Variants in IFIH1 observed in about 807,000 individuals in gnomAD.
IFIH1 encodes interferon induced with helicase C domain 1, also known as interferon-induced helicase C domain-containing protein 1.
A neutral mutation model predicts 107.4 loss-of-function variants in IFIH1; 125 were observed. The ratio of observed to expected loss-of-function variants is 1.16; its 90% CI spans 1.01 to 1.35. The LOEUF (loss-of-function observed/expected upper bound fraction) is 1.35, where lower values mean the gene tolerates loss of function less well. Among genes scored for constraint, IFIH1 ranks in the 40% most tolerant of loss-of-function variants. The pLI, the probability that IFIH1 is intolerant of heterozygous loss-of-function variation, is 0.00. For synonymous variants in IFIH1, 458 were observed against 413.2 expected, an observed-to-expected ratio of 1.11 and a Z score of -1.31; for missense variants, 1,333 against 1,213.7, an observed-to-expected ratio of 1.10 and a Z score of -1.46.
intron 11 of IFIH1, 93 bp from the exon 12 acceptor site, chr2:162,274,037 G>A (rs1465861225): frequency 4.8e-6 from 4 of 840,950 alleles, no homozygotes; most frequent in African/African-American, 3.5e-5. Flanking sequence ...CAACTGGTCA[G>A]TGTAAATCAA....
chr2:162,302,119 G>A (rs1239011489), intron 3 of IFIH1, among the ~76,000 whole-genome samples: 3 of 152,106 alleles, frequency 2.0e-5, no homozygotes, highest in African/African-American at 7.2e-5. Context: ...CACCTCTAGT[G>A]CCAAAGGGAT....
chr2:162,317,504 G>GCCTCA lies in IFIH1; in HGVS notation c.453+350_453+351insTGAGG, dbSNP rs1320292809. ...GCCTCAGGTTTCTCATCTGTAAAAT[G>GCCTCA]GAGTTAATAACATTAGGAGCCTCAG... On this transcript the variant is annotated intron_variant, in intron 1 of 15. Coordinates refer to ENST00000649979, the MANE Select transcript of IFIH1 (RefSeq NM_022168.4). Among the ~76,000 whole-genome samples the GCCTCA allele has an allele frequency of 8.5e-5, 13 of 152,262 alleles. No homozygotes were observed. In the East Asian group the frequency reaches 2.5e-3, roughly 29 times the overall value.
chr2:162,316,418 A>C (rs1487039325), intron 1 of IFIH1, among the ~76,000 whole-genome samples: 1 of 152,196 alleles, frequency 6.6e-6, no homozygotes, highest in Non-Finnish European at 1.5e-5. Context: ...GGTTCTCAAT[A>C]CACAAAACGA....
In IFIH1 at chr2:162,282,594, A is replaced by AT; in HGVS notation, c.1096-19dup. 1.9e-6 allele frequency: 3 copies of AT among 1,550,438 alleles called. No individual in the cohort carries two copies. The highest frequency in any genetic ancestry group is 2.6e-6 in the Non-Finnish European group (3 of 1,134,638). ...AGCAGTACCTTAAAAAAATGTGAAG[A>AT]TTTTTTAAAAGAGAGAAAGTTAGTC... is the stretch of plus-strand genomic sequence containing the variant. On this transcript the variant is annotated intron_variant, in intron 5 of 15. Coordinates refer to ENST00000649979, the MANE Select transcript of IFIH1 (RefSeq NM_022168.4).
chr2:162,302,650 A>C (rs1055163016), intron 3 of IFIH1, among the ~76,000 whole-genome samples: 1 of 152,252 alleles, frequency 6.6e-6, no homozygotes, highest in Non-Finnish European at 1.5e-5. Flanking sequence ...AACTTCAATC[A>C]AAAGAACTCA....
intron 3 of IFIH1, among the ~76,000 whole-genome samples, chr2:162,303,895 A>C (rs1388845454): frequency 6.6e-6 from 1 of 152,188 alleles, no homozygotes; most frequent in African/African-American, 2.4e-5. Context: ...ATCTCTCAGC[A>C]GTAGCTCCAT....
chr2:162,281,412 G>A lies in IFIH1; in HGVS notation c.1440C>T (p.Pro480=). 6 of 1,612,754 alleles carry A rather than the reference G, an allele frequency of 3.7e-6. No individual in the cohort carries two copies. The highest frequency in any genetic ancestry group is 4.2e-6 in the Non-Finnish European group (5 of 1,179,158). The change falls in exon 7 of 16, where the codon CCC becomes CCT. Residue 480 remains proline, a synonymous_variant. Transcript: ENST00000649979. ...RLKKENKPVI[P]LPQILGLTAS... is the part of the protein sequence containing the mutation. ...CTGTTAGTCCCAGTATCTGAGGAAG[G>A]GGAATCACTGGTTTGTTTTCTTTCT...
Position 162,272,285 on chromosome 2 carries a change from T to G in IFIH1, c.2557A>C (p.Met853Leu). 1 of 1,613,022 alleles carries G rather than the reference T, an allele frequency of 6.2e-7. No individual in the cohort carries two copies. Among genetic ancestry groups the G allele is most frequent in the Non-Finnish European group, 8.5e-7 (1 of 1,179,372 alleles). The change falls in exon 13 of 16, where the codon ATG (methionine) becomes CTG (leucine). Residue 853 changes from methionine (M) to leucine (L), a missense_variant. By Grantham distance (15) the Met-to-Leu change is conservative. Transcript: ENST00000649979. ...ACACAATGTATAGCTTTATACATCA[T>G]CTTCTCTCGGAAATCATTAACTGTC... ...HETVNDFREK[M>L]MYKAIHCVQN...
Position 162,268,230 on chromosome 2 carries a change from G to C in IFIH1, c.2664C>G (p.Thr888=), listed in dbSNP as rs756574133. 4 of 1,611,876 alleles carry C rather than the reference G, an allele frequency of 2.5e-6. No individual in the cohort carries two copies. Among genetic ancestry groups the C allele is most frequent in the Non-Finnish European group, 3.4e-6 (4 of 1,178,702 alleles). The change falls in exon 14 of 16, where the codon ACC becomes ACG. Residue 888 remains threonine, a synonymous_variant. Coordinates refer to ENST00000649979, the MANE Select transcript of IFIH1 (RefSeq NM_022168.4). ...TGTAATGCTTGGCAATATTTCTCTT[G>C]GTTTTCATTTTCTTTTCCATTATAC... ...MQSIMEKKMK[T]KRNIAKHYKN...
intron 4 of IFIH1, among the ~76,000 whole-genome samples, chr2:162,289,057 C>T (rs1682948946): frequency 6.6e-6 from 1 of 151,642 alleles, no homozygotes; most frequent in South Asian, 2.1e-4. Flanking sequence ...CCTATGCTAG[C>T]CTTTAATTGG....
rs529169823 is a variant in IFIH1, at chr2:162,276,285, T to C, written c.2304+402A>G. ...TGGTAGAAAAAGACTAAAAACAATT[T>C]GAGAAGAGTAATAACAGCATAAGAA... is the stretch of plus-strand genomic sequence containing the variant. On this transcript the variant is annotated intron_variant, in intron 11 of 15. Transcript: ENST00000649979. 6.6e-5 allele frequency among the ~76,000 whole-genome samples: 10 copies of C among 152,216 alleles called. No individual in the cohort carries two copies. In the East Asian group the frequency reaches 1.5e-3, roughly 24 times the overall value.
rs2105239400 is a variant in IFIH1 at position 162,318,607 on chromosome 2, G to A, written c.-300C>T. ...CTCTGCGGTGTGCGCCTGGGGTCCCGGACCGGGGCGATCCTGCTGCACACT... is the reference window on the plus strand; with the variant it reads ...CTCTGCGGTGTGCGCCTGGGGTCCCAGACCGGGGCGATCCTGCTGCACACT... On this transcript the variant is annotated 5_prime_UTR_variant, in exon 1 of 16. Coordinates refer to ENST00000649979, the MANE Select transcript of IFIH1 (RefSeq NM_022168.4). 4 of 197,764 alleles carry A rather than the reference G, an allele frequency of 2.0e-5. No individual in the cohort carries two copies. Among genetic ancestry groups the A allele is most frequent in the Non-Finnish European group, 4.1e-5 (4 of 98,738 alleles). The allele number at this position is 197,764 out of a possible 1,614,324, so 12.3% of individuals were successfully genotyped here.
chr2:162,316,737 G>A lies in IFIH1; in HGVS notation c.453+1118C>T, dbSNP rs1372247500. Among the ~76,000 whole-genome samples, 2 of 152,134 alleles carry A rather than the reference G, an allele frequency of 1.3e-5. 1 individual carries two copies. Among genetic ancestry groups the A allele is most frequent in the South Asian group, 4.1e-4 (2 of 4,830 alleles). Reference sequence around the variant, plus strand: ...TAGTCATGGCTTTATTTGTCTACATGTCTTCCAAAACAAGACTTTTGACTT... The same window carrying A: ...TAGTCATGGCTTTATTTGTCTACATATCTTCCAAAACAAGACTTTTGACTT... On this transcript the variant is annotated intron_variant, in intron 1 of 15. Transcript: ENST00000649979.
intron 1 of IFIH1, among the ~76,000 whole-genome samples, chr2:162,313,265 C>T (rs2105232524): frequency 6.6e-6 from 1 of 152,000 alleles, no homozygotes; most frequent in East Asian, 1.9e-4. Context: ...GATATTGATC[C>T]CAATATGTAA....
intron 10 of IFIH1, 86 bp downstream of exon 10, chr2:162,277,329 C>A: frequency 2.1e-6 from 2 of 939,334 alleles, no homozygotes; most frequent in Middle Eastern, 6.3e-4. Flanking sequence ...AAAGATATTT[C>A]TCTTTTTGGA....
chr2:162,281,700 A>G (rs901634622), intron 6 of IFIH1, among the ~76,000 whole-genome samples, 155 bp from the exon 7 acceptor site: 1 of 151,992 alleles, frequency 6.6e-6, no homozygotes, highest in African/African-American at 2.4e-5. Context: ...AAATCTAACT[A>G]TACTAGCACC....
chr2:162,311,437 G>C (rs772569304), intron 1 of IFIH1, among the ~76,000 whole-genome samples: 31 of 150,954 alleles, frequency 2.1e-4, no homozygotes, highest in South Asian at 6.3e-4. Context: ...TACTACTGCA[G>C]ATTTATATTT....
chr2:162,309,144 T>G (rs149861369), intron 2 of IFIH1, among the ~76,000 whole-genome samples: 37 of 152,208 alleles, frequency 2.4e-4, no homozygotes, highest in Non-Finnish European at 1.3e-4. Context: ...CTGTCACATC[T>G]TAAGGCTTAT....
intron 3 of IFIH1, among the ~76,000 whole-genome samples, chr2:162,295,604 A>T (rs1419300544): frequency 6.6e-6 from 1 of 152,060 alleles, no homozygotes; most frequent in African/African-American, 2.4e-5. Context: ...TTAGCACAAC[A>T]TAAATATACT....
Sources: gnomAD v4.1 joint callset for allele counts (sites outside exome capture counted in the v4.1 genomes callset) on GRCh38, gnomAD v4.1.1 for gene constraint, MANE v1.5 for transcripts, NCBI Gene and HGNC (gene_info 2026-07-23, HGNC 2026-07-21) for gene names.